CDH23: variants seen among roughly 807,000 people sequenced by gnomAD.
The protein encoded by CDH23 is cadherin-23.
In CDH23, 189 loss-of-function variants were observed where a neutral mutation model predicts 317.1. The ratio of observed to expected loss-of-function variants is 0.60; its 90% CI spans 0.53 to 0.67. The LOEUF is 0.67. Among genes scored for constraint, CDH23 ranks in the 30% least tolerant of loss-of-function variants. The pLI is 0.00. For missense variants in CDH23, 4,401 were observed against 4,592.4 expected, an observed-to-expected ratio of 0.96 and a Z score of 1.20; for synonymous variants, 1,839 against 1,876.8, an observed-to-expected ratio of 0.98 and a Z score of 0.52.
Position 71,682,434 on chromosome 10 carries a change from T to G in CDH23, c.1859-11T>G. The G allele has an allele frequency of 6.2e-7, 1 of 1,611,136 alleles. No homozygotes were observed. ...CTTACAGAGGGATCTGGCCTGTTCC[T>G]GTCATTGCAGTGATCAGCGTCAGTC... On this transcript the variant is annotated splice_polypyrimidine_tract_variant and intron_variant, in intron 17 of 69. Transcript: ENST00000224721.
intron 27 of CDH23, chr10:71,711,912 AG>A (rs2132757946): frequency 6.6e-6 from 1 of 152,256 alleles, no homozygotes; most frequent in South Asian, 2.1e-4. Context: ...TTTTGCTCTT[AG>A]TACCTGTATC....
At chr10:71,764,071 T>G (rs1840467831) in intron 38 of CDH23, among the ~76,000 whole-genome samples, 1 of 152,160 alleles carries the variant, frequency 6.6e-6, no homozygotes, top group Non-Finnish European at 1.5e-5. Flanking sequence ...GATACAGGTC[T>G]CCTTTTCAGG....
chr10:71,402,779 G>A (rs546003655), intron 1 of CDH23, among the ~76,000 whole-genome samples: 33 of 152,102 alleles, frequency 2.2e-4, no homozygotes, highest in African/African-American at 7.7e-4. Context: ...GTTGGATGGG[G>A]GTTGTTGTGG....
intron 14 of CDH23, among the ~76,000 whole-genome samples, chr10:71,651,801 G>A (rs1191545167): frequency 6.6e-6 from 1 of 152,194 alleles, no homozygotes; most frequent in East Asian, 1.9e-4. Context: ...CCTTGTGACG[G>A]TGGCAGGCGT....
intron 9 of CDH23, among the ~76,000 whole-genome samples, chr10:71,612,705 C>T (rs1860974303): frequency 6.6e-6 from 1 of 152,178 alleles, no homozygotes; most frequent in Non-Finnish European, 1.5e-5. Context: ...GCCGGAGGCT[C>T]TGAGGTCTTG....
At chr10:71,553,662 A>C (rs1020441242) in intron 6 of CDH23, among the ~76,000 whole-genome samples, 2 of 152,148 alleles carry the variant, frequency 1.3e-5, no homozygotes, top group Non-Finnish European at 2.9e-5. Context: ...TTCAGAATCC[A>C]TTTGTTAGGC....
rs1435699674 is a variant in CDH23 at position 71,645,863 on chromosome 10, G to A, written c.1173G>A (p.Val391=). 3 of 1,612,858 alleles carry A rather than the reference G, an allele frequency of 1.9e-6. No individual in the cohort carries two copies. Among genetic ancestry groups the A allele is most frequent in the East Asian group, 2.2e-5 (1 of 44,842 alleles). ...ACAGCATGTTTGAGGTGTACTTGGTGGGGAACAACTCCCACCACTTCATCA... is the reference window on the plus strand; with the variant it reads ...ACAGCATGTTTGAGGTGTACTTGGTAGGGAACAACTCCCACCACTTCATCA... ...GLNSMFEVYL[V]GNNSHHFIIS... The change falls in exon 13 of 70, where the codon GTG becomes GTA. Residue 391 remains valine (V), a synonymous_variant. Transcript: ENST00000224721.
intron 6 of CDH23, among the ~76,000 whole-genome samples, chr10:71,528,609 G>A (rs968803149): frequency 2.6e-5 from 4 of 152,240 alleles, no homozygotes; most frequent in African/African-American, 7.2e-5. Flanking sequence ...CTCTTCCTGC[G>A]ACCAGCGCGA....
At chr10:71,426,628 T>G (rs1279873005) in intron 1 of CDH23, among the ~76,000 whole-genome samples, 1 of 152,220 alleles carries the variant, frequency 6.6e-6, no homozygotes, top group African/African-American at 2.4e-5. Context: ...AGGGTGAACT[T>G]GGCAGTTTAC....
At chr10:71,761,903 T>C in intron 38 of CDH23, 1 of 1,614,070 alleles carries the variant, frequency 6.2e-7, no homozygotes, top group Non-Finnish European at 8.5e-7. Flanking sequence ...CCACGTCTTG[T>C]AGAAGGTCAC....
chr10:71,443,689 TG>T (rs1319742583), intron 2 of CDH23, among the ~76,000 whole-genome samples: 1 of 152,200 alleles, frequency 6.6e-6, no homozygotes, highest in Non-Finnish European at 1.5e-5. Context: ...GTCCTGCACT[TG>T]GGAAGCTGGG....
chr10:71,647,246 T>A (rs1862938157), intron 14 of CDH23: 1 of 271,284 alleles, frequency 3.7e-6, no homozygotes, highest in African/African-American at 2.3e-5. Flanking sequence ...GCGGATCACT[T>A]GAGGTCGGGA....
intron 6 of CDH23, among the ~76,000 whole-genome samples, chr10:71,541,094 C>T (rs1245128540): frequency 6.6e-6 from 1 of 152,082 alleles, no homozygotes; most frequent in Non-Finnish European, 1.5e-5. Flanking sequence ...ACACAATTCT[C>T]ATGCAGCTGA....
intron 14 of CDH23, among the ~76,000 whole-genome samples, chr10:71,668,167 A>T (rs1038484574): frequency 1.3e-5 from 2 of 152,042 alleles, no homozygotes; most frequent in Non-Finnish European, 2.9e-5. Context: ...CTGCCACCAC[A>T]GCCAGAGACC....
intron 38 of CDH23, among the ~76,000 whole-genome samples, chr10:71,771,976 C>T (rs981472418): frequency 3.3e-5 from 5 of 152,222 alleles, no homozygotes; most frequent in Admixed American, 6.5e-5. Flanking sequence ...GGGCAGGTGG[C>T]CCATGACAGG....
chr10:71,690,699 A>G (rs2132706391), intron 20 of CDH23, 115 bp downstream of exon 20: 1 of 691,676 alleles, frequency 1.4e-6, no homozygotes, highest in South Asian at 1.7e-5. Context: ...TTTTGAGCAG[A>G]CCAGCTTTGA....
At chr10:71,671,038 C>A (rs1219738528) in intron 14 of CDH23, among the ~76,000 whole-genome samples, 1 of 150,842 alleles carries the variant, frequency 6.6e-6, no homozygotes, top group Non-Finnish European at 1.5e-5. Context: ...CGGTTCACTG[C>A]AACCTCCGCT....
intron 44 of CDH23, among the ~76,000 whole-genome samples, chr10:71,787,759 A>G (rs1841144000): frequency 1.3e-5 from 2 of 152,250 alleles, no homozygotes. Flanking sequence ...CATGGTCTAT[A>G]TACCACATTT....
In CDH23 at chr10:71,403,438, TTCCTTCCTTCCTTCCTTTCC is replaced by T. The variant is rs1274544043; in HGVS notation, c.-6+6122_-6+6141del. 4.1e-4 allele frequency among the ~76,000 whole-genome samples: 32 copies of T among 77,202 alleles called. 2 individuals carry two copies. The highest frequency in any genetic ancestry group is 1.8e-3 in the African/African-American group (21 of 11,480). 50.6% of individuals were successfully genotyped at this position (77,202 alleles called of 152,430 possible). On this transcript the variant is annotated intron_variant, in intron 1 of 69. Coordinates refer to ENST00000224721, the MANE Select transcript of CDH23 (RefSeq NM_022124.6). ...CTTCCTTCCTTCCTTCCTTCCTTCC[TTCCTTCCTTCCTTCCTTTCC>T]TTCCTTCCTTCCTTCCTTCCTTCCT...
Sources: allele counts gnomAD v4.1 joint callset (sites outside exome capture counted in the v4.1 genomes callset), GRCh38; gene constraint gnomAD v4.1.1; transcripts MANE v1.5; gene names NCBI Gene and HGNC (gene_info 2026-07-23, HGNC 2026-07-21).